MCTP2: variants seen among roughly 807,000 people sequenced by gnomAD.
MCTP2 encodes the protein multiple C2 and transmembrane domain containing 2.
A neutral mutation model predicts 111.6 loss-of-function variants in MCTP2; 132 were observed. The observed-to-expected ratio is 1.18, with a 90% CI of 1.03 to 1.37. The LOEUF is 1.37. Among genes scored for constraint, MCTP2 ranks in the 40% most tolerant of loss-of-function variants. The pLI, the probability that MCTP2 is intolerant of heterozygous loss-of-function variation, is 0.00. For synonymous variants in MCTP2, 395 were observed against 387.7 expected (o/e 1.02, Z -0.22); for missense variants, 1,183 against 1,067.9 (o/e 1.11, Z -1.50).
At position 94,431,700 on chromosome 15, in the gene MCTP2, T is replaced by A. The variant is rs2083193374; in HGVS notation, c.2086-8476T>A. Among the ~76,000 whole-genome samples the A allele has an allele frequency of 2.0e-5, 3 of 152,156 alleles. No individual in the cohort carries two copies. The South Asian group carries it at 6.2e-4, about 32-fold the overall frequency. ...TTTTTTTAAAAATTTAACCCTGGAT[T>A]TTTTTTGAACAGAATTAACACAGCT... On this transcript the variant is annotated intron_variant, in intron 17 of 22. Transcript: ENST00000357742.
At chr15:94,372,594 T>A in intron 12 of MCTP2, among the ~76,000 whole-genome samples, 1 of 152,118 alleles carries the variant, frequency 6.6e-6, no homozygotes, top group Non-Finnish European at 1.5e-5. Flanking sequence ...AGTAAAAAAA[T>A]AAAACAGACC....
intron 17 of MCTP2, 21 bp downstream of exon 17, chr15:94,402,040 T>C (rs777733370): frequency 1.9e-6 from 3 of 1,607,280 alleles, no homozygotes; most frequent in Non-Finnish European, 1.7e-6. Context: ...TTTCTTATGT[T>C]CAAACTATTT....
At chr15:94,262,526 A>G (rs370654770) in intron 1 of MCTP2, among the ~76,000 whole-genome samples, 4 of 152,214 alleles carry the variant, frequency 2.6e-5, no homozygotes, top group Admixed American at 6.5e-5. Flanking sequence ...TGCAATGTCT[A>G]TATTTTCGAT....
At chr15:94,246,441 AG>A (rs1405682820) in intron 1 of MCTP2, among the ~76,000 whole-genome samples, 3 of 152,176 alleles carry the variant, frequency 2.0e-5, no homozygotes, top group Non-Finnish European at 2.9e-5. Flanking sequence ...TGATACCTGA[AG>A]CACCATAGCC....
intron 4 of MCTP2, among the ~76,000 whole-genome samples, chr15:94,326,287 T>A (rs565485420): frequency 2.6e-5 from 4 of 152,316 alleles, no homozygotes; most frequent in Admixed American, 2.6e-4. Context: ...TCAGTCAACA[T>A]TCTGAATTAA....
intron 2 of MCTP2, 47 bp downstream of exon 2, chr15:94,298,777 T>TCTCTTTCCCTCTCTTTCTCC: frequency 1.6e-6 from 2 of 1,222,622 alleles, no homozygotes; most frequent in Admixed American, 2.4e-5. Context: ...TCTCTCTCTC[T>TCTCTTTCCCTCTCTTTCTCC]CTCTTTCCCT....
intron 17 of MCTP2, among the ~76,000 whole-genome samples, chr15:94,433,975 C>A (rs2083324426): frequency 1.3e-5 from 2 of 152,022 alleles, no homozygotes; most frequent in Admixed American, 1.3e-4. Flanking sequence ...AATTTTTTAT[C>A]TTCTGGAAAC....
chr15:94,382,021 G>C (rs1401603910), intron 12 of MCTP2, among the ~76,000 whole-genome samples: 1 of 152,246 alleles, frequency 6.6e-6, no homozygotes, highest in Non-Finnish European at 1.5e-5. Flanking sequence ...ATTCACAGAA[G>C]CTACAAAGTC....
Position 94,404,385 on chromosome 15 carries a change from C to T in MCTP2, c.2085+2366C>T, listed in dbSNP as rs138565882. On this transcript the variant is annotated intron_variant, in intron 17 of 22. Coordinates refer to ENST00000357742, the MANE Select transcript of MCTP2 (RefSeq NM_001385001.1). ...GGCACGATCTTGGCTCACTGCAACC[C>T]CTGCCTCCCGGGTTCAAGCGATTCT... 6.0e-3 allele frequency among the ~76,000 whole-genome samples: 909 copies of T among 151,180 alleles called. 10 individuals carry two copies. The highest frequency in any genetic ancestry group is 0.021 in the African/African-American group (861 of 41,170).
At chr15:94,320,059 C>T (rs555724430) in intron 4 of MCTP2, among the ~76,000 whole-genome samples, 1 of 152,136 alleles carries the variant, frequency 6.6e-6, no homozygotes, top group South Asian at 2.1e-4. Context: ...AAAACATATA[C>T]CTTTATCCTT....
chr15:94,248,002 T>G (rs1048105614), intron 1 of MCTP2, among the ~76,000 whole-genome samples: 1 of 152,122 alleles, frequency 6.6e-6, no homozygotes, highest in African/African-American at 2.4e-5. Context: ...AGGAGTAGAT[T>G]AGGAGATTAA....
intron 4 of MCTP2, among the ~76,000 whole-genome samples, chr15:94,328,418 G>A (rs979020532): frequency 3.2e-4 from 48 of 152,026 alleles, no homozygotes; most frequent in South Asian, 8.3e-4. Context: ...GTGAGCCACC[G>A]CGCCCGGCCT....
chr15:94,329,879 G>A (rs1330872200), intron 4 of MCTP2, among the ~76,000 whole-genome samples: 1 of 152,102 alleles, frequency 6.6e-6, no homozygotes, highest in Non-Finnish European at 1.5e-5. Context: ...ATTAACTAGA[G>A]TCCTCATCGT....
At chr15:94,329,521 CAA>C (rs1491477399) in intron 4 of MCTP2, among the ~76,000 whole-genome samples, 1 of 152,054 alleles carries the variant, frequency 6.6e-6, no homozygotes, top group Admixed American at 6.5e-5. Context: ...AGAGCAGGAG[CAA>C]GAGAGAGAGA....
chr15:94,387,363 C>T (rs1346007766), intron 14 of MCTP2, among the ~76,000 whole-genome samples: 4 of 151,850 alleles, frequency 2.6e-5, no homozygotes, highest in Non-Finnish European at 4.4e-5. Context: ...CCTGCTGTGA[C>T]AGCCAAATAT....
At position 94,267,332 on chromosome 15, in the gene MCTP2, G is replaced by A. The variant is rs958356211; in HGVS notation, c.-65-30869G>A. Among the ~76,000 whole-genome samples, 5 of 152,184 alleles carry A rather than the reference G, an allele frequency of 3.3e-5. No homozygotes were observed. In the South Asian group the frequency reaches 8.3e-4, roughly 25 times the overall value. ...TACAGTACGTTTGCTTTTTATGTACGAATTCTTTCACTTAGAGGAATTTAT... is the reference window on the plus strand; with the variant it reads ...TACAGTACGTTTGCTTTTTATGTACAAATTCTTTCACTTAGAGGAATTTAT... On this transcript the variant is annotated intron_variant, in intron 1 of 22. Coordinates refer to ENST00000357742, the MANE Select transcript of MCTP2 (RefSeq NM_001385001.1).
chr15:94,296,254 A>T (rs2075271986), intron 1 of MCTP2, among the ~76,000 whole-genome samples: 1 of 152,236 alleles, frequency 6.6e-6, no homozygotes, highest in Admixed American at 6.5e-5. Flanking sequence ...ATGAGATGTG[A>T]ATTGAATGTA....
At chr15:94,370,818 T>C (rs1009154057) in intron 12 of MCTP2, among the ~76,000 whole-genome samples, 8 of 152,208 alleles carry the variant, frequency 5.3e-5, no homozygotes, top group African/African-American at 1.9e-4. Context: ...TACCCCCTTC[T>C]GCTGACTAAC....
intron 17 of MCTP2, among the ~76,000 whole-genome samples, chr15:94,414,476 C>T (rs1448997231): frequency 1.3e-5 from 2 of 152,126 alleles, no homozygotes; most frequent in Non-Finnish European, 2.9e-5. Flanking sequence ...TTAAAAAATA[C>T]ATCGTGGTAA....
Sources: allele counts gnomAD v4.1 joint callset (sites outside exome capture counted in the v4.1 genomes callset), GRCh38; gene constraint gnomAD v4.1.1; transcripts MANE v1.5; gene names NCBI Gene and HGNC (gene_info 2026-07-23, HGNC 2026-07-21).